Variants in CD96 observed in about 807,000 individuals in gnomAD.
The protein encoded by CD96 is T-cell surface protein tactile.
A neutral mutation model predicts 71.3 loss-of-function variants in CD96; 70 were observed. The ratio of observed to expected loss-of-function variants is 0.98; its 90% CI spans 0.81 to 1.20. CD96 has a LOEUF of 1.20. CD96 is among the 50% of genes most tolerant of loss of function. CD96 has a pLI of 0.00. For missense variants in CD96, 742 were observed against 677.5 expected, an observed-to-expected ratio of 1.10 and a Z score of -1.06; for synonymous variants, 248 against 233.0, an observed-to-expected ratio of 1.06 and a Z score of -0.59.
intron 5 of CD96, among the ~76,000 whole-genome samples, chr3:111,587,749 T>C (rs1044087271): frequency 6.6e-6 from 1 of 152,220 alleles, no homozygotes; most frequent in African/African-American, 2.4e-5. Flanking sequence ...TCTTGACTTC[T>C]GTGCACCTAC....
At chr3:111,610,221 CT>C (rs1361309264) in intron 8 of CD96, among the ~76,000 whole-genome samples, 1 of 152,338 alleles carries the variant, frequency 6.6e-6, no homozygotes, top group African/African-American at 2.4e-5. Context: ...TCTAAATAAA[CT>C]TATCTTTTTG....
intron 10 of CD96, among the ~76,000 whole-genome samples, chr3:111,629,195 C>A (rs1412874275): frequency 6.6e-6 from 1 of 152,008 alleles, no homozygotes; most frequent in Non-Finnish European, 1.5e-5. Context: ...GGCTAAATGC[C>A]CCAATTAAAA....
rs1559771990 is a variant in CD96, at chr3:111,638,156, G to GTTT, written c.1466_1467insTTT (p.Val489_His490insPhe). 1 of 1,590,794 alleles carries GTTT rather than the reference G, an allele frequency of 6.3e-7. No individual in the cohort carries two copies. Reference sequence around the variant, plus strand: ...CAATGGATCTACGAAAACTAATCACGTCCATATCACTGGTAAGTCATTTAT... The same window carrying GTTT: ...CAATGGATCTACGAAAACTAATCACGTTTTCCATATCACTGGTAAGTCATTTAT... On this transcript the variant is annotated inframe_insertion, in exon 12 of 14. Transcript: ENST00000352690.
intron 2 of CD96, among the ~76,000 whole-genome samples, chr3:111,560,272 G>C (rs1185498922): frequency 2.6e-5 from 4 of 151,816 alleles, no homozygotes; most frequent in Non-Finnish European, 5.9e-5. Flanking sequence ...TGGTGATTTT[G>C]CTCGTTAGTT....
intron 14 of CD96, among the ~76,000 whole-genome samples, chr3:111,658,099 G>A (rs1202837838): frequency 6.6e-6 from 1 of 152,248 alleles, no homozygotes; most frequent in Non-Finnish European, 1.5e-5. Flanking sequence ...AAATGTCTAA[G>A]GACAAAGTAA....
intron 5 of CD96, among the ~76,000 whole-genome samples, chr3:111,590,100 T>C (rs1936908778): frequency 6.6e-6 from 1 of 152,324 alleles, no homozygotes; most frequent in South Asian, 2.1e-4. Context: ...TTCTAGCAGA[T>C]ACTGTGGAAT....
At chr3:111,660,164 T>G (rs933766699) in intron 14 of CD96, among the ~76,000 whole-genome samples, 1 of 152,216 alleles carries the variant, frequency 6.6e-6, no homozygotes, top group Non-Finnish European at 1.5e-5. Context: ...CACAGACTAG[T>G]ATAATTTCAG....
chr3:111,626,959 G>A (rs62275484), intron 10 of CD96, among the ~76,000 whole-genome samples: 7,259 of 152,232 alleles, frequency 0.048, 209 homozygotes, highest in South Asian at 0.077. Flanking sequence ...ATTCAGGACA[G>A]CATTTGCTTT....
intron 3 of CD96, among the ~76,000 whole-genome samples, chr3:111,576,673 G>T (rs1192239105): frequency 6.6e-6 from 1 of 152,076 alleles, no homozygotes; most frequent in Non-Finnish European, 1.5e-5. Flanking sequence ...ATTCTACATA[G>T]TTGTAAGAAG....
chr3:111,577,516 G>A (rs142203509), intron 3 of CD96: 11 of 1,606,576 alleles, frequency 6.8e-6, no homozygotes, highest in Admixed American at 1.7e-5. Flanking sequence ...ACAGCAGCAC[G>A]GATTCTTGGG....
intron 3 of CD96, among the ~76,000 whole-genome samples, chr3:111,577,314 C>T (rs1166082990): frequency 1.3e-5 from 2 of 152,152 alleles, no homozygotes; most frequent in African/African-American, 2.4e-5. Context: ...GGCTGCCAAA[C>T]GTACCTGTGC....
intron 2 of CD96, among the ~76,000 whole-genome samples, chr3:111,567,076 A>G (rs1935749570): frequency 1.3e-5 from 2 of 152,112 alleles, no homozygotes; most frequent in African/African-American, 4.8e-5. Flanking sequence ...GGGTGGGTAG[A>G]GGTAGTAGAT....
At chr3:111,635,900 A>G (rs2107749894) in intron 10 of CD96, among the ~76,000 whole-genome samples, 1 of 152,314 alleles carries the variant, frequency 6.6e-6, no homozygotes, top group South Asian at 2.1e-4. Context: ...TATTCAGAAC[A>G]AACTTCCTTC....
At chr3:111,571,474 C>A (rs577626449) in intron 3 of CD96, among the ~76,000 whole-genome samples, 121 of 151,864 alleles carry the variant, frequency 8.0e-4, no homozygotes, top group African/African-American at 2.9e-3. Flanking sequence ...CAAGTAGCTT[C>A]CTTTAAAGAA....
At chr3:111,660,195 A>G (rs547605031) in intron 14 of CD96, among the ~76,000 whole-genome samples, 2 of 152,212 alleles carry the variant, frequency 1.3e-5, no homozygotes, top group Non-Finnish European at 2.9e-5. Context: ...CAGTGTATAA[A>G]TCAGTAGCAT....
At chr3:111,544,155 C>T (rs954966219) in intron 1 of CD96, among the ~76,000 whole-genome samples, 1 of 151,946 alleles carries the variant, frequency 6.6e-6, no homozygotes, top group Non-Finnish European at 1.5e-5. Flanking sequence ...TTTCGTTTTT[C>T]GTTTTTTTGA....
At chr3:111,545,432 T>C (rs1157706457) in intron 2 of CD96, 30 bp downstream of exon 2, 1 of 1,303,606 alleles carries the variant, frequency 7.7e-7, no homozygotes, top group Admixed American at 1.7e-5. Flanking sequence ...GGATGTGCTT[T>C]CATTCAGCTC....
At chr3:111,638,204 T>A (rs760550074) in intron 12 of CD96, 36 bp downstream of exon 12, 15 of 1,208,316 alleles carry the variant, frequency 1.2e-5, no homozygotes, top group Admixed American at 8.4e-5. Flanking sequence ...GATTTTATGC[T>A]TTATTCACTC....
At chr3:111,610,033 A>C (rs1416508009) in intron 8 of CD96, among the ~76,000 whole-genome samples, 1 of 152,214 alleles carries the variant, frequency 6.6e-6, no homozygotes, top group Non-Finnish European at 1.5e-5. Context: ...CAATAGTGCC[A>C]AGGCCAAGAA....
Sources: allele counts gnomAD v4.1 joint callset (sites outside exome capture counted in the v4.1 genomes callset), GRCh38; gene constraint gnomAD v4.1.1; transcripts MANE v1.5; gene names NCBI Gene and HGNC (gene_info 2026-07-23, HGNC 2026-07-21).